The following EIPR1 variants were observed in gnomAD, a reference collection of about 807,000 sequenced individuals.
EIPR1 encodes EARP and GARP complex-interacting protein 1.
Under a neutral mutation model 48.1 loss-of-function variants are expected in EIPR1, and 25 were observed. The observed-to-expected ratio is 0.52, with a 90% CI of 0.38 to 0.73. EIPR1 has a LOEUF of 0.73. Ranked by LOEUF, EIPR1 falls within the 30% of genes least tolerant of loss-of-function variation. The pLI, the probability that EIPR1 is intolerant of heterozygous loss-of-function variation, is 0.00. For missense variants in EIPR1, 415 were observed against 506.2 expected (o/e 0.82, Z 1.73); for synonymous variants, 204 against 201.9 (o/e 1.01, Z -0.09).
chr2:3,215,781 G>A (rs1443205678), intron 4 of EIPR1, among the ~76,000 whole-genome samples: 1 of 152,322 alleles, frequency 6.6e-6, no homozygotes, highest in East Asian at 1.9e-4. Flanking sequence ...TGTCTATGGA[G>A]CTATTATTAC....
chr2:3,306,225 G>T (rs981994648), intron 3 of EIPR1, among the ~76,000 whole-genome samples: 3 of 152,124 alleles, frequency 2.0e-5, no homozygotes, highest in African/African-American at 7.2e-5. Flanking sequence ...TCTGAACAGC[G>T]CTGTACACAC....
At chr2:3,370,015 C>T (rs989041240) in intron 1 of EIPR1, among the ~76,000 whole-genome samples, 5 of 152,126 alleles carry the variant, frequency 3.3e-5, no homozygotes, top group Non-Finnish European at 4.4e-5. Context: ...ACACCTCACA[C>T]GGCCGGGTAC....
At chr2:3,333,931 T>C (rs1343767526) in intron 3 of EIPR1, among the ~76,000 whole-genome samples, 2 of 152,184 alleles carry the variant, frequency 1.3e-5, no homozygotes, top group African/African-American at 4.8e-5. Flanking sequence ...CCACACTGGC[T>C]GCCCCACGCA....
intron 2 of EIPR1, among the ~76,000 whole-genome samples, chr2:3,344,884 A>C (rs949537998): frequency 6.6e-6 from 1 of 151,972 alleles, no homozygotes; most frequent in African/African-American, 2.4e-5. Flanking sequence ...AAAATCTAAC[A>C]TACTTAATAA....
At chr2:3,350,696 C>A (rs1157539416) in intron 2 of EIPR1, among the ~76,000 whole-genome samples, 1 of 152,116 alleles carries the variant, frequency 6.6e-6, no homozygotes, top group African/African-American at 2.4e-5. Flanking sequence ...CATGCCTTTA[C>A]CAGAAACAGA....
At chr2:3,361,001 G>C (rs917427035) in intron 1 of EIPR1, among the ~76,000 whole-genome samples, 2 of 152,148 alleles carry the variant, frequency 1.3e-5, no homozygotes, top group Non-Finnish European at 2.9e-5. Flanking sequence ...AGGGGGCAAA[G>C]TCCTAACTTC....
intron 4 of EIPR1, among the ~76,000 whole-genome samples, chr2:3,225,679 A>G (rs1409021198): frequency 6.6e-6 from 1 of 152,098 alleles, no homozygotes; most frequent in South Asian, 2.1e-4. Flanking sequence ...CTCTTAGCCA[A>G]TTTCAAGTAC....
intron 3 of EIPR1, among the ~76,000 whole-genome samples, chr2:3,265,467 A>T (rs1371480248): frequency 1.3e-5 from 2 of 152,232 alleles, no homozygotes; most frequent in African/African-American, 4.8e-5. Flanking sequence ...GCAGCCATCA[A>T]AGAAACTAAG....
At chr2:3,332,259 T>C (rs192301582) in intron 3 of EIPR1, among the ~76,000 whole-genome samples, 3 of 152,292 alleles carry the variant, frequency 2.0e-5, no homozygotes, top group Admixed American at 1.3e-4. Context: ...GTTCTAAATA[T>C]GGAAAGTGAG....
Position 3,196,951 on chromosome 2 carries a change from G to T in EIPR1, c.583C>A (p.His195Asn), listed in dbSNP as rs1435490629. Residue 195 changes from histidine (H) to asparagine (N), a missense_variant, in exon 6 of 9, where the codon CAT (histidine) becomes AAT (asparagine). Physicochemically the swap from His to Asn is moderately conservative, Grantham distance 68 (BLOSUM62 1). Coordinates refer to ENST00000382125, the MANE Select transcript of EIPR1 (RefSeq NM_003310.5). ...LKFTSGRWSPHHNCTQVATAN... is the reference protein window; with the variant it reads ...LKFTSGRWSPNHNCTQVATAN... The stretch of plus-strand genomic sequence containing the variant: ...GTGGCCACCTGGGTGCAGTTATGAT[G>T]TGGGCTCCACCGTCCTGAGGTGAAC... 2.5e-6 allele frequency: 4 copies of T among 1,613,980 alleles called. No individual in the cohort carries two copies. In the Admixed American group the frequency reaches 5.0e-5, roughly 20 times the overall value.
intron 3 of EIPR1, among the ~76,000 whole-genome samples, chr2:3,294,243 A>C (rs1462314534): frequency 3.9e-5 from 6 of 151,946 alleles, no homozygotes; most frequent in Admixed American, 6.6e-5. Flanking sequence ...CCTTGAACTG[A>C]TGTTCAAACA....
chr2:3,330,607 G>A (rs936918636), intron 3 of EIPR1, among the ~76,000 whole-genome samples: 12 of 150,222 alleles, frequency 8.0e-5, no homozygotes, highest in East Asian at 2.0e-4. Flanking sequence ...GTATGCACTC[G>A]TGAGATGGTG....
At chr2:3,199,202 G>T (rs1406223856) in intron 5 of EIPR1, among the ~76,000 whole-genome samples, 3 of 151,986 alleles carry the variant, frequency 2.0e-5, no homozygotes, top group Admixed American at 6.6e-5. Context: ...CGGCTCCCAG[G>T]CAGCCAGACT....
chr2:3,201,459 G>A (rs540313833), intron 5 of EIPR1, among the ~76,000 whole-genome samples: 175 of 152,260 alleles, frequency 1.1e-3, no homozygotes, highest in South Asian at 4.6e-3. Context: ...TTACGTTTGC[G>A]GCAAGGGTGC....
intron 3 of EIPR1, among the ~76,000 whole-genome samples, chr2:3,277,505 G>A (rs2085009): frequency 0.58 from 87,590 of 152,096 alleles, 25,623 homozygotes; most frequent in East Asian, 0.75. Flanking sequence ...CATTTACTTC[G>A]CCCTGCCTGT....
chr2:3,330,273 A>C (rs775982657), intron 3 of EIPR1, among the ~76,000 whole-genome samples: 49 of 152,234 alleles, frequency 3.2e-4, no homozygotes, highest in South Asian at 4.1e-4. Flanking sequence ...AAAGTCTGTG[A>C]AAATATTTAG....
At chr2:3,333,953 G>A (rs955987828) in intron 3 of EIPR1, among the ~76,000 whole-genome samples, 3 of 152,122 alleles carry the variant, frequency 2.0e-5, no homozygotes, top group African/African-American at 7.2e-5. Context: ...GGTGTGCGCC[G>A]AAAGGTGTGT....
At chr2:3,279,344 A>G (rs1025262454) in intron 3 of EIPR1, among the ~76,000 whole-genome samples, 4 of 152,204 alleles carry the variant, frequency 2.6e-5, no homozygotes, top group Admixed American at 1.3e-4. Context: ...CTGTAAAAAC[A>G]TATTTGTCAG....
At chr2:3,357,202 C>T (rs1054647873) in intron 1 of EIPR1, among the ~76,000 whole-genome samples, 3 of 152,190 alleles carry the variant, frequency 2.0e-5, no homozygotes, top group Admixed American at 6.5e-5. Flanking sequence ...CGGCCCAATC[C>T]CACCCCATGG....
Sources: allele counts gnomAD v4.1 joint callset (sites outside exome capture counted in the v4.1 genomes callset), GRCh38; gene constraint gnomAD v4.1.1; transcripts MANE v1.5; gene names NCBI Gene and HGNC (gene_info 2026-07-23, HGNC 2026-07-21).